CHDH: variants seen among roughly 807,000 people sequenced by gnomAD.
CHDH encodes the protein choline dehydrogenase, mitochondrial.
Under a neutral mutation model 56.9 loss-of-function variants are expected in CHDH, and 43 were observed. The observed-to-expected ratio is 0.76, with a 90% confidence interval of 0.59 to 0.97. The LOEUF (loss-of-function observed/expected upper bound fraction) is 0.97, where lower values mean the gene tolerates loss of function less well. CHDH is among the 50% of genes least tolerant of loss of function. The pLI is 0.00. For synonymous variants in CHDH, 364 were observed against 348.5 expected, an observed-to-expected ratio of 1.04 and a Z score of -0.50; for missense variants, 816 against 821.1, an observed-to-expected ratio of 0.99 and a Z score of 0.08.
chr3:53,817,815 G>A lies in CHDH; in HGVS notation c.1747C>T (p.Pro583Ser). The change falls in exon 9 of 9, where the codon CCT becomes TCT. Residue 583 changes from proline to serine, a missense_variant. Pro to Ser is a moderately conservative substitution (Grantham distance 74). Transcript: ENST00000315251. ...GQPALWDKDVPVYKPRTLATQ... is the reference protein window; with the variant it reads ...GQPALWDKDVSVYKPRTLATQ... Reference sequence around the variant, plus strand: ...GCCAGCGTCCTGGGCTTGTAGACAGGGACATCTTTGTCCCAGAGTGCAGGC... The same window carrying A: ...GCCAGCGTCCTGGGCTTGTAGACAGAGACATCTTTGTCCCAGAGTGCAGGC... The A allele has an allele frequency of 6.2e-7, 1 of 1,613,222 alleles. No homozygotes were observed. The highest frequency in any genetic ancestry group is 8.5e-7 in the Non-Finnish European group (1 of 1,179,480).
chr3:53,823,226 A>G, intron 3 of CHDH, 80 bp downstream of exon 3: 1 of 1,308,942 alleles, frequency 7.6e-7, no homozygotes, highest in African/African-American at 1.5e-5. Context: ...TGGAGCCAGG[A>G]GCCTGGAGCC....
chr3:53,821,580 GATAC>G (rs1044843996), intron 5 of CHDH, 63 bp downstream of exon 5: 1 of 1,407,700 alleles, frequency 7.1e-7, no homozygotes, highest in African/African-American at 1.4e-5. Context: ...ATGCTAATAA[GATAC>G]ATACACTAAG....
Position 53,816,836 on chromosome 3 carries a change from TCA to T in CHDH, c.*939_*940del, listed in dbSNP as rs1369195930. On this transcript the variant is annotated 3_prime_UTR_variant, in exon 9 of 9. Transcript: ENST00000315251. ...CCCTTGAATAAGGTCCAAAAAAATC[TCA>T]GGTTTTTTTTTTTTTTTTTTTTTTT... 6.9e-6 allele frequency: 1 copy of T among 145,284 alleles called. No individual in the cohort carries two copies. 9.0% of individuals were successfully genotyped at this position (145,284 alleles called of 1,614,324 possible). A position where few individuals can be genotyped will look rare whatever the true frequency, so the allele number is the denominator to read the frequency against.
At chr3:53,821,417 A>G (rs1036764323) in intron 5 of CHDH, among the ~76,000 whole-genome samples, 1 of 151,928 alleles carries the variant, frequency 6.6e-6, no homozygotes, top group Non-Finnish European at 1.5e-5. Flanking sequence ...CCTTCTCCAA[A>G]TGAAATAGGG....
Position 53,815,726 on chromosome 3 carries a change from C to T in CHDH, c.*2051G>A, listed in dbSNP as rs1044801253. On this transcript the variant is annotated 3_prime_UTR_variant, in exon 9 of 9. Coordinates refer to ENST00000315251, the MANE Select transcript of CHDH (RefSeq NM_018397.5). The stretch of plus-strand genomic sequence containing the variant: ...TGACTGTCACCCTGCCATATCCATA[C>T]CTGTTCCAGAGAAGAAGGGTCAGCA... 1.3e-5 allele frequency: 2 copies of T among 152,280 alleles called. No individual in the cohort carries two copies. Among genetic ancestry groups the T allele is most frequent in the Non-Finnish European group, 2.9e-5 (2 of 68,082 alleles). 9.4% of individuals were successfully genotyped at this position (152,280 alleles called of 1,614,324 possible). A position where few individuals can be genotyped will look rare whatever the true frequency, so the allele number is the denominator to read the frequency against.
At chr3:53,845,519 C>T (rs1329038116) in intron 1 of CHDH, among the ~76,000 whole-genome samples, 1 of 152,214 alleles carries the variant, frequency 6.6e-6, no homozygotes, top group Non-Finnish European at 1.5e-5. Context: ...GCAGTTCCAG[C>T]CTCTGTGACT....
chr3:53,819,608 G>A lies in CHDH; in HGVS notation c.1187C>T (p.Pro396Leu), dbSNP rs749946328. ...FIRSQPGVPH[P>L]DIQFHFLPSQ... is the part of the protein sequence containing the mutation. ...TGGCAGGAAATGGAACTGGATGTCC[G>A]GGTGGGGGACCCCAGGCTGGCTGCG... The change falls in exon 7 of 9, where the codon CCG becomes CTG. Residue 396 changes from proline (P) to leucine (L), a missense_variant. By Grantham distance (98) the Pro-to-Leu change is moderately conservative. Coordinates refer to ENST00000315251, the MANE Select transcript of CHDH (RefSeq NM_018397.5). This position sits in a 1 kb window ranked among gnomAD's most constrained non-coding sequence, Gnocchi z 5.4. 1.2e-5 allele frequency: 19 copies of A among 1,611,082 alleles called. No individual in the cohort carries two copies. The highest frequency in any genetic ancestry group is 1.7e-5 in the Admixed American group (1 of 59,712).
chr3:53,837,202 A>G (rs981502289), intron 2 of CHDH, among the ~76,000 whole-genome samples: 1 of 152,076 alleles, frequency 6.6e-6, no homozygotes, highest in African/African-American at 2.4e-5. Flanking sequence ...TCTAAAAGAA[A>G]AAAAAAAAAG....
Position 53,816,568 on chromosome 3 carries a change from C to T in CHDH, c.*1209G>A, listed in dbSNP as rs1180313877. On this transcript the variant is annotated 3_prime_UTR_variant, in exon 9 of 9. Transcript: ENST00000315251. ...CATCCTAGTCTGTTCCTGTGGACGT[C>T]TACAGAATAAGAATTAACCATCCTT... 2 of 152,240 alleles carry T rather than the reference C, an allele frequency of 1.3e-5. No individual in the cohort carries two copies. Among genetic ancestry groups the T allele is most frequent in the East Asian group, 3.9e-4 (2 of 5,178 alleles). The allele number at this position is 152,240 out of a possible 1,614,324, so 9.4% of individuals were successfully genotyped here.
At chr3:53,841,867 C>T (rs547457489) in intron 1 of CHDH, among the ~76,000 whole-genome samples, 1 of 152,270 alleles carries the variant, frequency 6.6e-6, no homozygotes, top group East Asian at 1.9e-4. Context: ...AACTCACAGG[C>T]TGGGCGCAGT....
rs1045882939 is a variant in CHDH at position 53,812,404 on chromosome 3, A to G, written c.*5373T>C. 2.0e-5 allele frequency: 3 copies of G among 152,242 alleles called. No homozygotes were observed. The highest frequency in any genetic ancestry group is 2.1e-4 in the South Asian group (1 of 4,828). The allele number at this position is 152,242 out of a possible 1,614,324, so 9.4% of individuals were successfully genotyped here. A position where few individuals can be genotyped will look rare whatever the true frequency, so the allele number is the denominator to read the frequency against. ...AATTTTAAGTTTGAAAGAACTTGAC[A>G]CTACAGAAATTTTTCTAAAATATTT... On this transcript the variant is annotated 3_prime_UTR_variant, in exon 9 of 9. Coordinates refer to ENST00000315251, the MANE Select transcript of CHDH (RefSeq NM_018397.5).
At chr3:53,829,834 C>T (rs2106971139) in intron 2 of CHDH, among the ~76,000 whole-genome samples, 1 of 152,338 alleles carries the variant, frequency 6.6e-6, no homozygotes, top group South Asian at 2.1e-4. Context: ...GCTTGCCCTC[C>T]TCACCCTATA....
chr3:53,827,455 A>G (rs2095640993), intron 2 of CHDH, among the ~76,000 whole-genome samples: 1 of 151,596 alleles, frequency 6.6e-6, no homozygotes, highest in Non-Finnish European at 1.5e-5. Context: ...CTTTATAGCA[A>G]TGAGAGAAAA....
rs1382684037 is a variant in CHDH, at chr3:53,818,251, TG to T, written c.1367-57del. The T allele has an allele frequency of 4.8e-6, 7 of 1,465,816 alleles. No homozygotes were observed. In the Admixed American group the frequency reaches 1.6e-4, roughly 33 times the overall value. 90.8% of individuals were successfully genotyped at this position (1,465,816 alleles called of 1,614,324 possible). A position where few individuals can be genotyped will look rare whatever the true frequency, so the allele number is the denominator to read the frequency against. On this transcript the variant is annotated intron_variant, in intron 8 of 8. Transcript: ENST00000315251. The stretch of plus-strand genomic sequence containing the variant: ...CTCCTTTTGCCCGTGCTGGCCTCAC[TG>T]GAAGATTCACGGCATGGAGAGGCTC...
Position 53,819,013 on chromosome 3 carries a change from T to A in CHDH, c.1291A>T (p.Ser431Cys). ...QVHVGPMRGTSVGWLKLRSAN... is the reference protein window; with the variant it reads ...QVHVGPMRGTCVGWLKLRSAN... ...CTTCTCAGTTTGAGCCAGCCCACAC[T>A]CGTGCCCCGCATGGGCCCCACATGT... is the stretch of plus-strand genomic sequence containing the variant. Residue 431 changes from serine (S) to cysteine (C), a missense_variant, in exon 8 of 9, where the codon AGT becomes TGT. Coordinates refer to ENST00000315251, the MANE Select transcript of CHDH (RefSeq NM_018397.5). The surrounding 1 kb of genome is among the most constrained non-coding windows in gnomAD (Gnocchi z 5.4). 3 of 1,613,758 alleles carry A rather than the reference T, an allele frequency of 1.9e-6. No individual in the cohort carries two copies. Among genetic ancestry groups the A allele is most frequent in the Non-Finnish European group, 2.5e-6 (3 of 1,179,694 alleles).
rs769624590 is a variant in CHDH, at chr3:53,819,037, G to A, written c.1267C>T (p.His423Tyr). 6 of 1,607,200 alleles carry A rather than the reference G, an allele frequency of 3.7e-6. No individual in the cohort carries two copies. Among genetic ancestry groups the A allele is most frequent in the Non-Finnish European group, 5.1e-6 (6 of 1,174,116 alleles). ...CTCGTGCCCCGCATGGGCCCCACAT[G>A]TACCTAGAAGAACACAGAGGAAGCA... ...VPTQQEAYQV[H>Y]VGPMRGTSVG... is the part of the protein sequence containing the mutation. Residue 423 changes from histidine (H) to tyrosine (Y), a missense_variant, in exon 8 of 9, where the codon CAT becomes TAT. Coordinates refer to ENST00000315251, the MANE Select transcript of CHDH (RefSeq NM_018397.5). This position sits in a 1 kb window ranked among gnomAD's most constrained non-coding sequence, Gnocchi z 5.4.
intron 2 of CHDH, among the ~76,000 whole-genome samples, chr3:53,832,514 A>G (rs60127403): frequency 0.16 from 23,584 of 152,142 alleles, 2,754 homozygotes; most frequent in East Asian, 0.34. Context: ...CCTGGGCGAC[A>G]GAGCGAGACT....
rs910471572 is a variant in CHDH at position 53,816,137 on chromosome 3, C to T, written c.*1640G>A. ...ACTAACTTGTGGCTGTCGGACGCCC[C>T]CCCCCCCCGCCCCAGTCTGTAAGCC... On this transcript the variant is annotated 3_prime_UTR_variant, in exon 9 of 9. Transcript: ENST00000315251. The T allele has an allele frequency of 8.7e-6, 1 of 115,304 alleles. No individual in the cohort carries two copies. The highest frequency in any genetic ancestry group is 1.8e-5 in the Non-Finnish European group (1 of 55,656). 7.1% of individuals were successfully genotyped at this position (115,304 alleles called of 1,614,324 possible). A position where few individuals can be genotyped will look rare whatever the true frequency, so the allele number is the denominator to read the frequency against.
At chr3:53,820,686 A>G in intron 5 of CHDH, 78 bp from the exon 6 acceptor site, 1 of 1,535,560 alleles carries the variant, frequency 6.5e-7, no homozygotes, top group Non-Finnish European at 8.8e-7. Context: ...CGGTTTTGAA[A>G]AATTCTTTCC....
Sources: allele counts gnomAD v4.1 joint callset (sites outside exome capture counted in the v4.1 genomes callset), GRCh38; gene constraint gnomAD v4.1.1; non-coding constraint Gnocchi (gnomAD v3.1); transcripts MANE v1.5; gene names NCBI Gene and HGNC (gene_info 2026-07-23, HGNC 2026-07-21).